C7: variants seen among roughly 807,000 people sequenced by gnomAD.
The protein encoded by C7 is complement C7, also known as complement component C7.
Under a neutral mutation model 104.8 loss-of-function variants are expected in C7, and 83 were observed. That is an observed-to-expected ratio of 0.79 (90% CI 0.66 to 0.95). The LOEUF is 0.95. C7 is among the 40% of genes least tolerant of loss of function. C7 has a pLI of 0.00. For synonymous variants in C7, 415 were observed against 360.6 expected (o/e 1.15, Z -1.71); for missense variants, 1,070 against 1,011.2 (o/e 1.06, Z -0.79).
rs188507192 is a variant in C7, at chr5:40,971,977, A to G, written c.1883-426A>G. ...GTCCCTAAAAAATAAAAATAAATAA[A>G]TAAATAAAAGTGGTGTTTTAATAAT... On this transcript the variant is annotated intron_variant, in intron 14 of 17. Transcript: ENST00000313164. 1.2e-4 allele frequency: 49 copies of G among 422,416 alleles called. No homozygotes were observed. The East Asian group carries it at 3.0e-3, about 26-fold the overall frequency. 26.2% of individuals were successfully genotyped at this position (422,416 alleles called of 1,614,324 possible).
intron 1 of C7, among the ~76,000 whole-genome samples, chr5:40,916,274 C>G (rs751155300): frequency 1.3e-5 from 2 of 152,084 alleles, no homozygotes; most frequent in Non-Finnish European, 2.9e-5. Context: ...CCTATCAGAT[C>G]CTCTGTATTT....
intron 13 of C7, 122 bp downstream of exon 13, chr5:40,962,294 T>G (rs1236725119): frequency 5.6e-6 from 3 of 533,406 alleles, no homozygotes. Context: ...TATATGCATT[T>G]TAGTTTTAGT....
At chr5:40,941,952 A>G (rs969420051) in intron 6 of C7, among the ~76,000 whole-genome samples, 1 of 152,178 alleles carries the variant, frequency 6.6e-6, no homozygotes, top group Non-Finnish European at 1.5e-5. Context: ...ATAGAAGGAG[A>G]TGCGTAAAGG....
At chr5:40,972,616 C>A in intron 15 of C7, 22 bp downstream of exon 15, 4 of 1,567,192 alleles carry the variant, frequency 2.6e-6, no homozygotes, top group Non-Finnish European at 3.5e-6. Flanking sequence ...CCATGTCTAT[C>A]CAAGGACACT....
chr5:40,913,197 C>T (rs575787566), intron 1 of C7, among the ~76,000 whole-genome samples: 1 of 152,234 alleles, frequency 6.6e-6, no homozygotes, highest in South Asian at 2.1e-4. Context: ...TTTATCCAAT[C>T]ATCTGTTGTT....
chr5:40,916,325 C>A (rs978788698), intron 1 of C7, among the ~76,000 whole-genome samples: 17 of 152,084 alleles, frequency 1.1e-4, no homozygotes, highest in African/African-American at 4.1e-4. Flanking sequence ...TCATAAAAGG[C>A]CTCAGGAGTG....
chr5:40,940,887 C>T (rs1739920544), intron 6 of C7, among the ~76,000 whole-genome samples: 1 of 152,134 alleles, frequency 6.6e-6, no homozygotes, highest in East Asian at 1.9e-4. Flanking sequence ...AGAAGTCTGG[C>T]TCCAAACCCC....
At position 40,937,823 on chromosome 5, in the gene C7, T is replaced by C. The variant is rs1579850008; in HGVS notation, c.567+133T>C. 3.8e-6 allele frequency: 3 copies of C among 783,566 alleles called. No individual in the cohort carries two copies. The East Asian group carries it at 8.4e-5, about 22-fold the overall frequency. The allele number at this position is 783,566 out of a possible 1,614,324, so 48.5% of individuals were successfully genotyped here. A position where few individuals can be genotyped will look rare whatever the true frequency, so the allele number is the denominator to read the frequency against. On this transcript the variant is annotated intron_variant, in intron 6 of 17. Coordinates refer to ENST00000313164, the MANE Select transcript of C7 (RefSeq NM_000587.4). Reference sequence around the variant, plus strand: ...GTCAATTTTTATAAATGTTTTATGTTGACTTAAAAAGTATACACAGTGTTT... The same window carrying C: ...GTCAATTTTTATAAATGTTTTATGTCGACTTAAAAAGTATACACAGTGTTT...
intron 1 of C7, among the ~76,000 whole-genome samples, chr5:40,927,497 G>T (rs1233828501): frequency 6.6e-6 from 1 of 151,782 alleles, no homozygotes. Context: ...ATACATTCAA[G>T]AAGAAGCTAA....
At chr5:40,957,928 C>G (rs1051420665) in intron 10 of C7, 105 bp from the exon 11 acceptor site, 6 of 663,936 alleles carry the variant, frequency 9.0e-6, no homozygotes, top group Non-Finnish European at 1.5e-5. Flanking sequence ...CAAACTTGCC[C>G]GTGGCTTTTG....
intron 13 of C7, 58 bp from the exon 14 acceptor site, chr5:40,964,683 G>T (rs549144386): frequency 1.3e-5 from 19 of 1,482,848 alleles, no homozygotes; most frequent in Non-Finnish European, 1.8e-5. Flanking sequence ...GTAAAGAAAC[G>T]TTTTGTTAAT....
chr5:40,964,856 G>C lies in C7; in HGVS notation c.1865G>C (p.Gly622Ala). The C allele has an allele frequency of 6.2e-7, 1 of 1,613,622 alleles. No individual in the cohort carries two copies. The highest frequency in any genetic ancestry group is 8.5e-7 in the Non-Finnish European group (1 of 1,179,736). The change falls in exon 14 of 18, where the codon GGG (glycine) becomes GCG (alanine). Residue 622 changes from glycine to alanine, a missense_variant. Physicochemically the swap from Gly to Ala is moderately conservative, Grantham distance 60 (BLOSUM62 0). Transcript: ENST00000313164. Reference protein sequence around the residue: ...RCGEDLRWLVGEMHCQKIACV... With the variant: ...RCGEDLRWLVAEMHCQKIACV... ...GGAGAAGATTTACGGTGGCTTGTTG[G>C]GGAAATGCATTGTCAGAGTGAGTGG...
At chr5:40,943,153 A>G (rs2455309) in intron 6 of C7, among the ~76,000 whole-genome samples, 73,095 of 152,144 alleles carry the variant, frequency 0.48, 18,542 homozygotes, top group African/African-American at 0.67. Context: ...CAAGAGAATG[A>G]TTGAAGTCAT....
chr5:40,914,478 T>C (rs1739277079), intron 1 of C7, among the ~76,000 whole-genome samples: 1 of 152,132 alleles, frequency 6.6e-6, no homozygotes, highest in Admixed American at 6.6e-5. Context: ...TTAAGTTCCA[T>C]TTGTCTAATC....
intron 13 of C7, 95 bp from the exon 14 acceptor site, chr5:40,964,646 T>G (rs566965523): frequency 9.2e-7 from 1 of 1,086,898 alleles, no homozygotes; most frequent in East Asian, 2.4e-5. Flanking sequence ...GCTTGCCTGA[T>G]GATTATGATT....
At chr5:40,975,954 A>T (rs1275053687) in intron 15 of C7, among the ~76,000 whole-genome samples, 1 of 152,208 alleles carries the variant, frequency 6.6e-6, no homozygotes, top group African/African-American at 2.4e-5. Context: ...GAGGTGAAAA[A>T]AGTCAGGATG....
At chr5:40,965,028 A>G (rs770997805) in intron 14 of C7, among the ~76,000 whole-genome samples, 155 bp downstream of exon 14, 2 of 152,186 alleles carry the variant, frequency 1.3e-5, no homozygotes, top group African/African-American at 2.4e-5. Context: ...CGACTTGAAT[A>G]AGCCCTCCGC....
At chr5:40,912,178 G>A (rs1739223420) in intron 1 of C7, among the ~76,000 whole-genome samples, 1 of 151,790 alleles carries the variant, frequency 6.6e-6, no homozygotes, top group African/African-American at 2.4e-5. Context: ...TTTTCCAAAG[G>A]TAATTATCCT....
chr5:40,981,159 A>G (rs190218409), intron 17 of C7, among the ~76,000 whole-genome samples: 7 of 152,182 alleles, frequency 4.6e-5, no homozygotes, highest in Non-Finnish European at 8.8e-5. Context: ...AAACCACCCC[A>G]TGTGGTCTAA....
Sources: gnomAD v4.1 joint callset for allele counts (sites outside exome capture counted in the v4.1 genomes callset) on GRCh38, gnomAD v4.1.1 for gene constraint, MANE v1.5 for transcripts, NCBI Gene and HGNC (gene_info 2026-07-23, HGNC 2026-07-21) for gene names.